The following LUC7L3 variants were observed in gnomAD, a reference collection of about 807,000 sequenced individuals.
LUC7L3 encodes luc7-like protein 3.
In LUC7L3, 6 loss-of-function variants were observed where a neutral mutation model predicts 66.8. That is an observed-to-expected ratio of 0.09 (90% confidence interval 0.05 to 0.18). The LOEUF (loss-of-function observed/expected upper bound fraction) is 0.18. LUC7L3 is among the 10% of genes least tolerant of loss of function. The pLI, the probability that LUC7L3 is intolerant of heterozygous loss-of-function variation, is 1.00. For missense variants in LUC7L3, 341 were observed against 531.1 expected, an observed-to-expected ratio of 0.64 and a Z score of 3.52; for synonymous variants, 160 against 174.7, an observed-to-expected ratio of 0.92 and a Z score of 0.66.
intron 9 of LUC7L3, chr17:50,749,154 G>T (rs1293728799): frequency 1.6e-6 from 2 of 1,215,606 alleles, no homozygotes; most frequent in Non-Finnish European, 2.2e-6. Flanking sequence ...TTCATCCATA[G>T]CCCTAAAATC....
Position 50,752,804 on chromosome 17 carries a change from A to G in LUC7L3, c.*2143A>G, listed in dbSNP as rs1162529158. The G allele has an allele frequency of 2.0e-5, 3 of 152,204 alleles. No homozygotes were observed. The highest frequency in any genetic ancestry group is 2.4e-5 in the African/African-American group (1 of 41,456). The allele number at this position is 152,204 out of a possible 1,614,324, so 9.4% of individuals were successfully genotyped here. On this transcript the variant is annotated 3_prime_UTR_variant, in exon 10 of 10. Coordinates refer to ENST00000505658, the MANE Select transcript of LUC7L3 (RefSeq NM_016424.5). ...TTTGTTCTGTTTAAGACTAATTTTT[A>G]TAGACTTTCTAATGTTTTAAATAAT...
At position 50,740,358 on chromosome 17, in the gene LUC7L3, G is replaced by C. The variant is rs1187594717; in HGVS notation, c.206+13G>C. On this transcript the variant is annotated intron_variant, in intron 3 of 9. Coordinates refer to ENST00000505658, the MANE Select transcript of LUC7L3 (RefSeq NM_016424.5). Reference sequence around the variant, plus strand: ...ATCTACGAAAACAGTAAGTTATTTTGCTTGTCATTTCCACCCCCCCAGTTA... The same window carrying C: ...ATCTACGAAAACAGTAAGTTATTTTCCTTGTCATTTCCACCCCCCCAGTTA... 1 of 1,605,610 alleles carries C rather than the reference G, an allele frequency of 6.2e-7. No individual in the cohort carries two copies. Among genetic ancestry groups the C allele is most frequent in the Admixed American group, 1.7e-5 (1 of 58,658 alleles).
chr17:50,740,986 C>A, intron 3 of LUC7L3, 116 bp from the exon 4 acceptor site: 1 of 978,398 alleles, frequency 1.0e-6, no homozygotes, highest in Non-Finnish European at 1.6e-6. Flanking sequence ...TTCAAATACA[C>A]CTGGTTTACC....
At chr17:50,741,795 C>A in intron 5 of LUC7L3, 64 bp downstream of exon 5, 2 of 1,252,466 alleles carry the variant, frequency 1.6e-6, no homozygotes, top group Non-Finnish European at 1.2e-6. Context: ...AGCAAAAATA[C>A]AAGGATGGGC....
chr17:50,740,183 C>A, intron 2 of LUC7L3, 123 bp from the exon 3 acceptor site: 1 of 713,970 alleles, frequency 1.4e-6, no homozygotes, highest in Non-Finnish European at 2.4e-6. Flanking sequence ...TAGATGTCTA[C>A]AAACTACTCA....
chr17:50,752,675 G>C lies in LUC7L3; in HGVS notation c.*2014G>C, dbSNP rs558809657. The C allele has an allele frequency of 2.0e-5, 3 of 152,832 alleles. No homozygotes were observed. In the East Asian group the frequency reaches 5.8e-4, roughly 29 times the overall value. 9.5% of individuals were successfully genotyped at this position (152,832 alleles called of 1,614,324 possible). On this transcript the variant is annotated 3_prime_UTR_variant, in exon 10 of 10. Coordinates refer to ENST00000505658, the MANE Select transcript of LUC7L3 (RefSeq NM_016424.5). ...TTGTCTCTGTCATTGAAAAGTTTTA[G>C]TATTAATCTTTTTCTAATAAAGTTA...
rs777091200 is a variant in LUC7L3, at chr17:50,719,712, C to G, written c.-21C>G. The G allele has an allele frequency of 5.4e-5, 87 of 1,598,812 alleles. No individual in the cohort carries two copies. The East Asian group carries it at 2.0e-3, about 36-fold the overall frequency. On this transcript the variant is annotated 5_prime_UTR_variant, in exon 1 of 10. Coordinates refer to ENST00000505658, the MANE Select transcript of LUC7L3 (RefSeq NM_016424.5). ...TGGCGGGTGCCTGGGCTGGTGGGAACAGCCGCCCGAAGGAAGCACCATGAT... is the reference window on the plus strand; with the variant it reads ...TGGCGGGTGCCTGGGCTGGTGGGAAGAGCCGCCCGAAGGAAGCACCATGAT...
Position 50,744,908 on chromosome 17 carries a change from T to C in LUC7L3, c.693+95T>C, listed in dbSNP as rs569099957. On this transcript the variant is annotated intron_variant, in intron 7 of 9. Transcript: ENST00000505658. ...CTCACTGCCACCTCCACCTCCCAGGTTTAAGCAATTCTCATGCCTCAGCCT... is the reference window on the plus strand; with the variant it reads ...CTCACTGCCACCTCCACCTCCCAGGCTTAAGCAATTCTCATGCCTCAGCCT... 168 of 999,140 alleles carry C rather than the reference T, an allele frequency of 1.7e-4. 1 individual carries two copies. The South Asian group carries it at 2.6e-3, about 16-fold the overall frequency. The allele number at this position is 999,140 out of a possible 1,614,324, so 61.9% of individuals were successfully genotyped here. A position where few individuals can be genotyped will look rare whatever the true frequency, so the allele number is the denominator to read the frequency against.
At chr17:50,720,781 C>T (rs972571931) in intron 1 of LUC7L3, among the ~76,000 whole-genome samples, 2 of 152,146 alleles carry the variant, frequency 1.3e-5, no homozygotes, top group African/African-American at 2.4e-5. Context: ...TGTTTTCTTA[C>T]TCTTTTTAAA....
intron 1 of LUC7L3, chr17:50,722,967 T>A (rs988399246): frequency 2.0e-5 from 3 of 152,268 alleles, no homozygotes; most frequent in African/African-American, 7.2e-5. Flanking sequence ...AAGCAATTGC[T>A]TGGTTAATCC....
chr17:50,724,140 C>T (rs1968994758), intron 1 of LUC7L3: 1 of 286,232 alleles, frequency 3.5e-6, no homozygotes, highest in African/African-American at 2.3e-5. Context: ...ATTATTTCCT[C>T]TGTATCCCTT....
rs572487711 is a variant in LUC7L3 at position 50,746,393 on chromosome 17, T to G, written c.978-149T>G. The G allele has an allele frequency of 6.4e-5, 47 of 734,652 alleles. 1 individual carries two copies. The South Asian group carries it at 9.9e-4, about 16-fold the overall frequency. The allele number at this position is 734,652 out of a possible 1,614,324, so 45.5% of individuals were successfully genotyped here. A position where few individuals can be genotyped will look rare whatever the true frequency, so the allele number is the denominator to read the frequency against. ...TATTGGAGATGAATTTAGAAAGATT[T>G]TCAATAATTTTTAGTTCTTAAGATT... On this transcript the variant is annotated intron_variant, in intron 8 of 9. Coordinates refer to ENST00000505658, the MANE Select transcript of LUC7L3 (RefSeq NM_016424.5).
chr17:50,730,246 A>G (rs949027644), intron 1 of LUC7L3, among the ~76,000 whole-genome samples: 1 of 152,040 alleles, frequency 6.6e-6, no homozygotes. Context: ...TGCTGAGATT[A>G]CAGGCGTGAG....
Position 50,754,904 on chromosome 17 carries a change from T to G in LUC7L3, c.*4243T>G, listed in dbSNP as rs1971083491. On this transcript the variant is annotated 3_prime_UTR_variant, in exon 10 of 10. Transcript: ENST00000505658. ...ACCTTCTGATTAAAGTTTTCAGACT[T>G]GTAAGAACTGAAAATTTTTATGGTG... The G allele has an allele frequency of 6.6e-6, 1 of 152,210 alleles. No homozygotes were observed. Among genetic ancestry groups the G allele is most frequent in the Non-Finnish European group, 1.5e-5 (1 of 68,030 alleles). 9.4% of individuals were successfully genotyped at this position (152,210 alleles called of 1,614,324 possible).
chr17:50,727,887 G>A (rs867790472), intron 1 of LUC7L3, among the ~76,000 whole-genome samples: 1 of 151,502 alleles, frequency 6.6e-6, no homozygotes, highest in Non-Finnish European at 1.5e-5. Flanking sequence ...GGTGGATCAC[G>A]AGGTCAGGAG....
chr17:50,741,555 C>T (rs1241770193), intron 4 of LUC7L3, 102 bp from the exon 5 acceptor site: 8 of 671,590 alleles, frequency 1.2e-5, no homozygotes, highest in Non-Finnish European at 2.0e-5. Flanking sequence ...TTCAATTAAG[C>T]ATTTTAATTA....
intron 1 of LUC7L3, among the ~76,000 whole-genome samples, chr17:50,735,379 G>A (rs28605133): frequency 0.38 from 57,449 of 151,958 alleles, 10,965 homozygotes; most frequent in Middle Eastern, 0.41. Context: ...GGAAAAAAAA[G>A]GCCTATTTCA....
In LUC7L3 at chr17:50,746,637, G is replaced by C; in HGVS notation, c.1073G>C (p.Arg358Pro). 6.2e-7 allele frequency: 1 copy of C among 1,614,078 alleles called. No individual in the cohort carries two copies. The highest frequency in any genetic ancestry group is 1.6e-4 in the Middle Eastern group (1 of 6,062). The change falls in exon 9 of 10, where the codon CGA becomes CCA. Residue 358 changes from arginine (R) to proline (P), a missense_variant. Arg to Pro is a moderately radical substitution (Grantham distance 103). This residue lies in a region of LUC7L3 where 210 missense variants were observed against 238.1 expected (regional missense o/e 0.88). Transcript: ENST00000505658. ...CGAAGAAGATCAAAAAGCCGGGATC[G>C]AAAGTCATATAAGCACAGGAGCAAA... is the stretch of plus-strand genomic sequence containing the variant. ...RDRRRSKSRDRKSYKHRSKSR... is the reference protein window; with the variant it reads ...RDRRRSKSRDPKSYKHRSKSR...
chr17:50,729,883 G>T (rs1221647026), intron 1 of LUC7L3, among the ~76,000 whole-genome samples: 35 of 112,932 alleles, frequency 3.1e-4, no homozygotes, highest in Non-Finnish European at 5.4e-4. Flanking sequence ...AGTATATATT[G>T]AATATAAATA....
Sources: allele counts gnomAD v4.1 joint callset (sites outside exome capture counted in the v4.1 genomes callset), GRCh38; gene constraint gnomAD v4.1.1; regional missense constraint gnomAD v4.1.1; transcripts MANE v1.5; gene names NCBI Gene and HGNC (gene_info 2026-07-23, HGNC 2026-07-21).